Variants in PTPRA observed in about 807,000 individuals in gnomAD.
PTPRA encodes receptor-type tyrosine-protein phosphatase alpha.
Under a neutral mutation model 104.8 loss-of-function variants are expected in PTPRA, and 25 were observed. That is an observed-to-expected ratio of 0.24 (90% confidence interval 0.17 to 0.33). The LOEUF (loss-of-function observed/expected upper bound fraction) is 0.33, where lower values mean the gene tolerates loss of function less well. Among genes scored for constraint, PTPRA ranks in the 10% least tolerant of loss-of-function variants. The pLI is 1.00. For synonymous variants in PTPRA, 323 were observed against 368.9 expected (o/e 0.88, Z 1.43); for missense variants, 765 against 1,015.3 (o/e 0.75, Z 3.35).
At chr20:2,874,781 C>T (rs920520096) in intron 1 of PTPRA, among the ~76,000 whole-genome samples, 1 of 152,188 alleles carries the variant, frequency 6.6e-6, no homozygotes, top group Admixed American at 6.5e-5. Context: ...CCTAAAATGC[C>T]TTATCAGGTC....
At chr20:2,898,160 G>A (rs1316772541) in intron 1 of PTPRA, among the ~76,000 whole-genome samples, 2 of 151,868 alleles carry the variant, frequency 1.3e-5, no homozygotes, top group South Asian at 2.1e-4. Flanking sequence ...GCAGTGGCGC[G>A]ATCTCGGCTC....
chr20:2,914,708 T>C (rs1318469546), intron 1 of PTPRA, among the ~76,000 whole-genome samples: 1 of 152,200 alleles, frequency 6.6e-6, no homozygotes, highest in Non-Finnish European at 1.5e-5. Flanking sequence ...TAATGGTTTT[T>C]AGACTGAATT....
intron 20 of PTPRA, among the ~76,000 whole-genome samples, chr20:3,034,208 C>T (rs1330937919): frequency 6.6e-6 from 1 of 151,752 alleles, no homozygotes; most frequent in African/African-American, 2.4e-5. Flanking sequence ...GAGGCGGAGG[C>T]TGCAGTAAGT....
At chr20:2,945,627 T>A (rs76139838) in intron 2 of PTPRA, among the ~76,000 whole-genome samples, 2,378 of 151,264 alleles carry the variant, frequency 0.016, 123 homozygotes, top group Admixed American at 0.09. Context: ...AAATAAATAT[T>A]TATTTATTTA....
chr20:3,017,215 TG>T, intron 12 of PTPRA, among the ~76,000 whole-genome samples: 1 of 152,330 alleles, frequency 6.6e-6, no homozygotes, highest in South Asian at 2.1e-4. Flanking sequence ...AGTTGCATTG[TG>T]GATTGGTTGC....
upstream of PTPRA, among the ~76,000 whole-genome samples, chr20:2,869,921 G>A (rs919711953): frequency 7.9e-5 from 12 of 151,952 alleles, 1 homozygote; most frequent in Admixed American, 7.9e-4. Context: ...GTTGCAGTGA[G>A]CTGAAATGGC....
chr20:3,025,545 CAT>C (rs2065093034), intron 17 of PTPRA, among the ~76,000 whole-genome samples: 1 of 151,404 alleles, frequency 6.6e-6, no homozygotes, highest in Non-Finnish European at 1.5e-5. Context: ...TCAAATATAG[CAT>C]GTGCACAGAT....
In PTPRA at chr20:2,953,390, A is replaced by T. The variant is rs142143352; in HGVS notation, c.-7+5366A>T. Among the ~76,000 whole-genome samples, 166 of 151,216 alleles carry T rather than the reference A, an allele frequency of 1.1e-3. No homozygotes were observed. The South Asian group carries it at 0.022, about 20-fold the overall frequency. ...CTGCCTCAGCCTCCGAGTAGCTGGG[A>T]CTACAGGCGCGCGTTACCACGCCTG... On this transcript the variant is annotated intron_variant, in intron 3 of 23. Coordinates refer to ENST00000399903, the MANE Select transcript of PTPRA (RefSeq NM_001385305.1).
intron 2 of PTPRA, among the ~76,000 whole-genome samples, chr20:2,941,544 T>G (rs1437146213): frequency 6.6e-6 from 1 of 152,238 alleles, no homozygotes; most frequent in African/African-American, 2.4e-5. Context: ...CTATATTCTC[T>G]ACACCCAGCT....
At chr20:2,998,407 A>G (rs78221943) in intron 9 of PTPRA, among the ~76,000 whole-genome samples, 2,360 of 152,256 alleles carry the variant, frequency 0.016, 120 homozygotes, top group Admixed American at 0.092. Context: ...TCGCCTCTAC[A>G]TTGATGAGTT....
chr20:3,026,996 C>A, intron 18 of PTPRA, 125 bp from the exon 19 acceptor site: 1 of 1,133,926 alleles, frequency 8.8e-7, no homozygotes, highest in African/African-American at 1.5e-5. Flanking sequence ...CCCTAATGAG[C>A]TAGGAACAGA....
chr20:3,004,079 G>A (rs934851399), intron 9 of PTPRA, among the ~76,000 whole-genome samples: 2 of 152,144 alleles, frequency 1.3e-5, no homozygotes, highest in South Asian at 4.1e-4. Flanking sequence ...GTACAATGGC[G>A]TGATCTTGGC....
At chr20:2,907,758 A>T (rs1156262345) in intron 1 of PTPRA, among the ~76,000 whole-genome samples, 1 of 152,058 alleles carries the variant, frequency 6.6e-6, no homozygotes, top group African/African-American at 2.4e-5. Flanking sequence ...GTGTTGTAAC[A>T]TCTATCAAAC....
chr20:2,923,000 A>G (rs896378610), intron 1 of PTPRA, among the ~76,000 whole-genome samples: 6 of 152,088 alleles, frequency 3.9e-5, no homozygotes, highest in African/African-American at 1.2e-4. Flanking sequence ...ATCTCAGCTC[A>G]CTGGAAACTC....
At chr20:2,866,812 T>C in the PTPRA span, 6 of 542,872 alleles carry the variant, frequency 1.1e-5, no homozygotes, top group South Asian at 8.5e-5. Flanking sequence ...CAAAACTCCA[T>C]GTGTTCCGTT....
intron 1 of PTPRA, among the ~76,000 whole-genome samples, chr20:2,899,974 G>T (rs374815046): frequency 9.2e-5 from 14 of 152,152 alleles, no homozygotes; most frequent in African/African-American, 3.1e-4. Context: ...AGGTGTTGTA[G>T]TAGTGGTCGC....
chr20:2,870,637 C>A (rs559631324), upstream of PTPRA, among the ~76,000 whole-genome samples: 1 of 152,312 alleles, frequency 6.6e-6, no homozygotes, highest in East Asian at 1.9e-4. Context: ...GAGAATGACT[C>A]ATTGTTCCAT....
At chr20:2,870,429 T>G (rs959629012), upstream of PTPRA, among the ~76,000 whole-genome samples, 4 of 152,246 alleles carry the variant, frequency 2.6e-5, no homozygotes, top group Non-Finnish European at 5.9e-5. Flanking sequence ...GACTTGGCTC[T>G]CATTTACTTC....
At chr20:2,870,683 A>G (rs1467399948), upstream of PTPRA, among the ~76,000 whole-genome samples, 1 of 152,200 alleles carries the variant, frequency 6.6e-6, no homozygotes, top group Admixed American at 6.5e-5. Flanking sequence ...GAGAGGGGAA[A>G]TGACTTGCCT....
Sources: allele counts gnomAD v4.1 joint callset (sites outside exome capture counted in the v4.1 genomes callset), GRCh38; gene constraint gnomAD v4.1.1; transcripts MANE v1.5; gene names NCBI Gene and HGNC (gene_info 2026-07-23, HGNC 2026-07-21).